Variants in MAP2K4 observed in about 807,000 individuals in gnomAD.
The protein encoded by MAP2K4 is dual specificity mitogen-activated protein kinase kinase 4.
Under a neutral mutation model 48.5 loss-of-function variants are expected in MAP2K4, and 4 were observed. That is an observed-to-expected ratio of 0.08 (90% confidence interval 0.04 to 0.19). The LOEUF (loss-of-function observed/expected upper bound fraction) is 0.19, where lower values mean the gene tolerates loss of function less well. Ranked by LOEUF, MAP2K4 falls within the 10% of genes least tolerant of loss-of-function variation. The pLI, the probability that MAP2K4 is intolerant of heterozygous loss-of-function variation, is 1.00. For synonymous variants in MAP2K4, 166 were observed against 173.1 expected (o/e 0.96, Z 0.32); for missense variants, 258 against 493.3 (o/e 0.52, Z 4.52).
At chr17:12,122,231 A>G (rs1567670980) in intron 7 of MAP2K4, among the ~76,000 whole-genome samples, 2 of 152,210 alleles carry the variant, frequency 1.3e-5, no homozygotes, top group East Asian at 1.9e-4. Context: ...TACATAATCA[A>G]CTATTCCGTA....
chr17:12,081,303 A>C lies in MAP2K4; in HGVS notation c.219-53A>C. 6.8e-7 allele frequency: 1 copy of C among 1,464,240 alleles called. No homozygotes were observed. 90.7% of individuals were successfully genotyped at this position (1,464,240 alleles called of 1,614,324 possible). On this transcript the variant is annotated intron_variant, in intron 2 of 10. Coordinates refer to ENST00000353533, the MANE Select transcript of MAP2K4 (RefSeq NM_003010.4). The surrounding 1 kb of genome is among the most constrained non-coding windows in gnomAD (Gnocchi z 4.2). ...ACACATTAATCAGTACTAAAAGAAA[A>C]AAGTTAAAACCTATTTAAAATGTGG...
rs1971189358 is a variant in MAP2K4 at position 12,081,674 on chromosome 17, T to C, written c.393+144T>C. ...GTTTCTCCAACTCCTTTGAGGGTGTTCTGTGTAGAGGTTTCTTATTGGTGG... is the reference window on the plus strand; with the variant it reads ...GTTTCTCCAACTCCTTTGAGGGTGTCCTGTGTAGAGGTTTCTTATTGGTGG... On this transcript the variant is annotated intron_variant, in intron 3 of 10. Transcript: ENST00000353533. This position sits in a 1 kb window ranked among gnomAD's most constrained non-coding sequence, Gnocchi z 4.2. 2.6e-6 allele frequency: 2 copies of C among 762,178 alleles called. No individual in the cohort carries two copies. Among genetic ancestry groups the C allele is most frequent in the Non-Finnish European group, 4.3e-6 (2 of 464,906 alleles). 47.2% of individuals were successfully genotyped at this position (762,178 alleles called of 1,614,324 possible).
At chr17:12,117,215 C>A (rs753891129) in intron 7 of MAP2K4, among the ~76,000 whole-genome samples, 7 of 152,040 alleles carry the variant, frequency 4.6e-5, no homozygotes, top group Non-Finnish European at 8.8e-5. Context: ...ATATCATTAC[C>A]ACACCTAAAA....
intron 7 of MAP2K4, among the ~76,000 whole-genome samples, chr17:12,120,267 C>G (rs1414241728): frequency 6.6e-6 from 1 of 151,956 alleles, no homozygotes; most frequent in Non-Finnish European, 1.5e-5. Context: ...TCAAGACCAG[C>G]CTGGCCAACA....
At chr17:12,103,387 T>G (rs751760467) in intron 4 of MAP2K4, among the ~76,000 whole-genome samples, 8 of 152,038 alleles carry the variant, frequency 5.3e-5, no homozygotes, top group African/African-American at 1.2e-4. Context: ...TATTATTATT[T>G]TTTTTGACGG....
intron 9 of MAP2K4, among the ~76,000 whole-genome samples, chr17:12,133,471 T>C (rs1272916285): frequency 6.6e-6 from 1 of 152,212 alleles, no homozygotes; most frequent in Non-Finnish European, 1.5e-5. Context: ...TTTTGCTCCT[T>C]CTGCATTCCT....
chr17:12,050,171 T>G (rs1192016505), intron 1 of MAP2K4, among the ~76,000 whole-genome samples: 1 of 152,114 alleles, frequency 6.6e-6, no homozygotes, highest in Admixed American at 6.6e-5. Context: ...AATCTTGCTT[T>G]CCTGTGATAT....
rs1245630122 is a variant in MAP2K4, at chr17:12,143,342, G to A, written c.*2082G>A. 3.0e-5 allele frequency: 7 copies of A among 232,520 alleles called. No homozygotes were observed. The highest frequency in any genetic ancestry group is 1.2e-3 in the Middle Eastern group (1 of 802). 14.4% of individuals were successfully genotyped at this position (232,520 alleles called of 1,614,324 possible). ...GACCACATAAGAAGGCAATTTTAGT[G>A]TATTAATCATAGATTATTATAAACT... On this transcript the variant is annotated 3_prime_UTR_variant, in exon 11 of 11. Coordinates refer to ENST00000353533, the MANE Select transcript of MAP2K4 (RefSeq NM_003010.4).
chr17:12,117,555 A>G (rs937734324), intron 7 of MAP2K4, among the ~76,000 whole-genome samples: 1 of 152,036 alleles, frequency 6.6e-6, no homozygotes, highest in African/African-American at 2.4e-5. Context: ...GTTCCACACT[A>G]TACCTCACAT....
chr17:12,078,129 G>C (rs2041152), intron 2 of MAP2K4, among the ~76,000 whole-genome samples: 25,589 of 152,158 alleles, frequency 0.17, 2,531 homozygotes, highest in South Asian at 0.3. Context: ...GGGAAATGTA[G>C]CCTTTTAGCT....
At chr17:12,116,177 G>T (rs945930928) in intron 7 of MAP2K4, among the ~76,000 whole-genome samples, 2 of 152,128 alleles carry the variant, frequency 1.3e-5, no homozygotes, top group Non-Finnish European at 2.9e-5. Flanking sequence ...TGTCTGAAAT[G>T]ATTCAAATAC....
intron 3 of MAP2K4, among the ~76,000 whole-genome samples, chr17:12,084,401 C>G (rs934716494): frequency 6.6e-6 from 1 of 152,136 alleles, no homozygotes; most frequent in Non-Finnish European, 1.5e-5. Flanking sequence ...GGGTCTTGCT[C>G]TCCTGTGAGT....
intron 1 of MAP2K4, among the ~76,000 whole-genome samples, chr17:12,045,024 A>G (rs1007219366): frequency 6.6e-6 from 1 of 152,186 alleles, no homozygotes; most frequent in African/African-American, 2.4e-5. Context: ...TCTCAATACC[A>G]TATTTGGTAG....
At chr17:12,104,863 C>T (rs1468287328) in intron 4 of MAP2K4, among the ~76,000 whole-genome samples, 4 of 152,042 alleles carry the variant, frequency 2.6e-5, no homozygotes. Flanking sequence ...AAGTTTTAAA[C>T]TTTTGCTTTT....
chr17:12,107,001 A>G (rs904266269), intron 4 of MAP2K4, among the ~76,000 whole-genome samples: 1 of 152,136 alleles, frequency 6.6e-6, no homozygotes, highest in Admixed American at 6.6e-5. Flanking sequence ...GGATGATTCT[A>G]TAAAATGGTA....
At chr17:12,095,551 A>T (rs746145681) in intron 3 of MAP2K4, 24 bp from the exon 4 acceptor site, 1 of 1,612,370 alleles carries the variant, frequency 6.2e-7, no homozygotes, top group South Asian at 1.1e-5. Flanking sequence ...TGTTTTTTTG[A>T]CATCTTTTGT....
chr17:12,028,594 A>G (rs1412617017), intron 1 of MAP2K4, among the ~76,000 whole-genome samples: 1 of 152,210 alleles, frequency 6.6e-6, no homozygotes, highest in Admixed American at 6.5e-5. Flanking sequence ...TGTCAGACAA[A>G]TAGACCCTTC....
intron 7 of MAP2K4, chr17:12,115,570 G>A: frequency 7.2e-6 from 5 of 699,292 alleles, no homozygotes; most frequent in South Asian, 1.4e-5. Flanking sequence ...AGGCTGCGGA[G>A]GAGACTGCTT....
chr17:12,139,466 ATCTG>A (rs1219755155), intron 9 of MAP2K4, among the ~76,000 whole-genome samples: 5 of 152,220 alleles, frequency 3.3e-5, no homozygotes, highest in Non-Finnish European at 5.9e-5. Flanking sequence ...CTGCATAAAT[ATCTG>A]TCTACTTATT....
Sources: allele counts gnomAD v4.1 joint callset (sites outside exome capture counted in the v4.1 genomes callset), GRCh38; gene constraint gnomAD v4.1.1; non-coding constraint Gnocchi (gnomAD v3.1); transcripts MANE v1.5; gene names NCBI Gene and HGNC (gene_info 2026-07-23, HGNC 2026-07-21).